The following TTC33 variants were observed in gnomAD, a reference collection of about 807,000 sequenced individuals.
TTC33 encodes tetratricopeptide repeat domain 33, also known as tetratricopeptide repeat protein 33.
Under a neutral mutation model 29.4 loss-of-function variants are expected in TTC33, and 24 were observed. The ratio of observed to expected loss-of-function variants is 0.82; its 90% confidence interval spans 0.59 to 1.15. TTC33 has a LOEUF of 1.15. Among genes scored for constraint, TTC33 ranks in the 50% most tolerant of loss-of-function variants. The pLI is 0.00. For missense variants in TTC33, 286 were observed against 310.4 expected (o/e 0.92, Z 0.59); for synonymous variants, 107 against 100.3 (o/e 1.07, Z -0.40).
At chr5:40,724,947 G>C (rs2111883141) in intron 4 of TTC33, among the ~76,000 whole-genome samples, 1 of 151,026 alleles carries the variant, frequency 6.6e-6, no homozygotes. Flanking sequence ...CCACCTGCCA[G>C]GTTCAAGATA....
chr5:40,739,943 T>A (rs1022928770), intron 2 of TTC33, among the ~76,000 whole-genome samples: 2 of 152,274 alleles, frequency 1.3e-5, no homozygotes, highest in East Asian at 1.9e-4. Flanking sequence ...GTGCTTTTTT[T>A]TAAAAATAAA....
intron 2 of TTC33, among the ~76,000 whole-genome samples, chr5:40,735,749 A>G (rs1163965111): frequency 3.9e-5 from 6 of 152,222 alleles, no homozygotes; most frequent in Non-Finnish European, 5.9e-5. Context: ...GTGGAAGATG[A>G]GAGAGCAGTG....
At chr5:40,742,011 T>C (rs1742705556) in intron 2 of TTC33, among the ~76,000 whole-genome samples, 1 of 151,914 alleles carries the variant, frequency 6.6e-6, no homozygotes, top group Non-Finnish European at 1.5e-5. Flanking sequence ...AAAAAAGAAA[T>C]TAAGGAAGCT....
chr5:40,732,385 G>A (rs1742450934), intron 2 of TTC33, among the ~76,000 whole-genome samples: 1 of 151,602 alleles, frequency 6.6e-6, no homozygotes, highest in African/African-American at 2.4e-5. Flanking sequence ...CTAAAGGACT[G>A]TCCAAGTCCT....
intron 2 of TTC33, among the ~76,000 whole-genome samples, chr5:40,743,021 T>C (rs1742725045): frequency 6.6e-6 from 1 of 152,206 alleles, no homozygotes; most frequent in African/African-American, 2.4e-5. Context: ...GATAAATTCC[T>C]TACTGTCCTG....
At chr5:40,726,646 T>C (rs1204116145) in intron 4 of TTC33, among the ~76,000 whole-genome samples, 2 of 152,014 alleles carry the variant, frequency 1.3e-5, no homozygotes, top group Non-Finnish European at 2.9e-5. Flanking sequence ...GGTACTCTTA[T>C]TCAAAAAAAT....
chr5:40,728,322 T>C, intron 4 of TTC33, 23 bp downstream of exon 4: 1 of 1,336,648 alleles, frequency 7.5e-7, no homozygotes, highest in Non-Finnish European at 1.0e-6. Context: ...AATTTCTGCA[T>C]TATAATAATC....
At chr5:40,743,696 C>T (rs530725403) in intron 2 of TTC33, among the ~76,000 whole-genome samples, 38 of 152,228 alleles carry the variant, frequency 2.5e-4, no homozygotes, top group Non-Finnish European at 5.0e-4. Context: ...ATTGCTTAAA[C>T]CTAGGAGAAG....
chr5:40,740,470 A>C (rs1015471592), intron 2 of TTC33, among the ~76,000 whole-genome samples: 3 of 152,000 alleles, frequency 2.0e-5, no homozygotes, highest in Admixed American at 2.0e-4. Context: ...ATGTCATTCC[A>C]TTATCTTGCA....
chr5:40,750,620 C>CA (rs1412308096), intron 1 of TTC33, among the ~76,000 whole-genome samples: 1 of 151,976 alleles, frequency 6.6e-6, no homozygotes, highest in African/African-American at 2.4e-5. Context: ...CTCCCTTTCA[C>CA]AAAAAATTTT....
At chr5:40,716,627 C>A in intron 4 of TTC33, 129 bp from the exon 5 acceptor site, 1 of 632,492 alleles carries the variant, frequency 1.6e-6, no homozygotes, top group Non-Finnish European at 2.6e-6. Context: ...TGTACTAGAA[C>A]ACAAAAGATG....
chr5:40,738,435 T>A (rs168730), intron 2 of TTC33, among the ~76,000 whole-genome samples: 1 of 83,814 alleles, frequency 1.2e-5, no homozygotes, highest in Non-Finnish European at 2.4e-5. Flanking sequence ...TAAAATAAAA[T>A]ATAAAATAAA....
intron 1 of TTC33, among the ~76,000 whole-genome samples, chr5:40,754,700 C>G (rs112883864): frequency 6.6e-6 from 1 of 152,198 alleles, no homozygotes; most frequent in African/African-American, 2.4e-5. Flanking sequence ...AGAGAGTAAA[C>G]AAAGGATGCC....
In TTC33 at chr5:40,716,300, C is replaced by T. The variant is rs1579665731; in HGVS notation, c.634G>A (p.Val212Ile). ...PDYDFESDEI[V>I]AVCAAIAEKE... ...TCAGCAATAGCTGCACAAACAGCAA[C>T]AATCTCATCACTTTCAAAGTCATAG... is the stretch of plus-strand genomic sequence containing the variant. The change falls in exon 5 of 5, where the codon GTT (valine) becomes ATT (isoleucine). Residue 212 changes from valine (V) to isoleucine (I), a missense_variant. Val to Ile is a conservative substitution (Grantham distance 29). Transcript: ENST00000337702. The T allele has an allele frequency of 6.2e-7, 1 of 1,614,192 alleles. No homozygotes were observed. Among genetic ancestry groups the T allele is most frequent in the Non-Finnish European group, 8.5e-7 (1 of 1,180,034 alleles).
chr5:40,743,729 G>A (rs550923521), intron 2 of TTC33, among the ~76,000 whole-genome samples: 69 of 152,194 alleles, frequency 4.5e-4, no homozygotes, highest in Middle Eastern at 3.4e-3. Context: ...AGCCAAGATC[G>A]CGCCACTGCA....
intron 1 of TTC33, among the ~76,000 whole-genome samples, chr5:40,754,746 A>T (rs1342094061): frequency 6.6e-6 from 1 of 152,252 alleles, no homozygotes; most frequent in Non-Finnish European, 1.5e-5. Context: ...GGCTTTCTGG[A>T]GGACTTAAGC....
intron 1 of TTC33, among the ~76,000 whole-genome samples, chr5:40,750,787 T>A (rs1293831708): frequency 3.3e-5 from 5 of 152,214 alleles, no homozygotes; most frequent in Non-Finnish European, 1.5e-5. Context: ...GTTAACAGCA[T>A]CTTCACCAGG....
intron 4 of TTC33, among the ~76,000 whole-genome samples, chr5:40,718,859 C>T (rs768229865): frequency 6.6e-6 from 1 of 152,020 alleles, no homozygotes; most frequent in Non-Finnish European, 1.5e-5. Context: ...CAAGATGGTA[C>T]CACTGCACTC....
intron 2 of TTC33, among the ~76,000 whole-genome samples, chr5:40,742,109 T>A (rs1742707193): frequency 6.6e-6 from 1 of 152,192 alleles, no homozygotes; most frequent in South Asian, 2.1e-4. Flanking sequence ...AGTTTTTTTT[T>A]TATATCTTTT....
Sources: gnomAD v4.1 joint callset for allele counts (sites outside exome capture counted in the v4.1 genomes callset) on GRCh38, gnomAD v4.1.1 for gene constraint, MANE v1.5 for transcripts, NCBI Gene and HGNC (gene_info 2026-07-23, HGNC 2026-07-21) for gene names.